Variants in LRRC37A2 observed in about 807,000 individuals in gnomAD.
LRRC37A2 encodes leucine rich repeat containing 37 member A2.
Under a neutral mutation model 68.8 loss-of-function variants are expected in LRRC37A2, and 9 were observed. The observed-to-expected ratio is 0.13, with a 90% confidence interval of 0.08 to 0.23. LRRC37A2 has a LOEUF of 0.23. LRRC37A2 is among the 10% of genes least tolerant of loss of function. LRRC37A2 has a pLI of 1.00. For synonymous variants in LRRC37A2, 63 were observed against 367.6 expected (o/e 0.17, Z 9.48); for missense variants, 168 against 950.4 (o/e 0.18, Z 10.82).
At chr17:46,405,765 T>C in the LRRC37A2 span, among the ~76,000 whole-genome samples, 1 of 82,158 alleles carries the variant, frequency 1.2e-5, no homozygotes, top group African/African-American at 4.5e-5. Context: ...AAAAATCAGC[T>C]TTGGCTTGAG....
At chr17:46,840,338 G>A in the LRRC37A2 span, among the ~76,000 whole-genome samples, 1 of 152,032 alleles carries the variant, frequency 6.6e-6, no homozygotes, top group African/African-American at 2.4e-5. Context: ...CACCCGCCTC[G>A]GCCTCCCAAA....
the LRRC37A2 span, chr17:46,851,701 C>A: frequency 7.6e-7 from 1 of 1,310,848 alleles, no homozygotes. The surrounding 1 kb of genome is among the most constrained non-coding windows in gnomAD (Gnocchi z 4.3). Context: ...CCGCCGCCGC[C>A]GCCTCCTACT....
the LRRC37A2 span, chr17:46,830,883 CT>C: frequency 2.5e-6 from 1 of 397,684 alleles, no homozygotes; most frequent in Non-Finnish European, 4.4e-6. Flanking sequence ...CCTAATACGA[CT>C]TCAGCACCTC....
the LRRC37A2 span, among the ~76,000 whole-genome samples, chr17:46,492,917 A>C: frequency 6.7e-6 from 1 of 149,044 alleles, no homozygotes; most frequent in African/African-American, 2.6e-5. Context: ...GATGGTCTCG[A>C]TATCCTGACC....
chr17:46,810,741 C>T, the LRRC37A2 span, among the ~76,000 whole-genome samples: 3 of 152,014 alleles, frequency 2.0e-5, no homozygotes, highest in Non-Finnish European at 4.4e-5. Flanking sequence ...GACCTGAACG[C>T]GGAATACAGC....
chr17:46,795,967 T>A, the LRRC37A2 span, among the ~76,000 whole-genome samples: 1 of 152,062 alleles, frequency 6.6e-6, no homozygotes, highest in Non-Finnish European at 1.5e-5. Context: ...TTCCATTTTG[T>A]TGAGATGAAT....
At chr17:47,010,596 G>A in the LRRC37A2 span, 1 of 152,290 alleles carries the variant, frequency 6.6e-6, no homozygotes, top group Non-Finnish European at 1.5e-5. Flanking sequence ...CCAGAAGGCT[G>A]GGGTGGTCCA....
chr17:46,740,227 G>A, the LRRC37A2 span, among the ~76,000 whole-genome samples: 1 of 152,184 alleles, frequency 6.6e-6, no homozygotes, highest in Admixed American at 6.5e-5. Flanking sequence ...ATTATTATTG[G>A]ATATAGTAAA....
the LRRC37A2 span, chr17:46,769,728 G>A: frequency 1.9e-6 from 3 of 1,598,328 alleles, no homozygotes; most frequent in Non-Finnish European, 2.5e-6. Context: ...GGCAGCTCCG[G>A]AGGGGAAGCG....
chr17:46,829,668 T>A, the LRRC37A2 span, among the ~76,000 whole-genome samples: 1 of 152,062 alleles, frequency 6.6e-6, no homozygotes, highest in Non-Finnish European at 1.5e-5. Flanking sequence ...GGTGGAAGCC[T>A]TGCCTGGGGA....
At chr17:46,928,245 C>T in the LRRC37A2 span, among the ~76,000 whole-genome samples, 1 of 152,114 alleles carries the variant, frequency 6.6e-6, no homozygotes, top group Non-Finnish European at 1.5e-5. Context: ...TGCCCGAGGG[C>T]ATATCTGGAG....
At chr17:46,748,400 C>T in the LRRC37A2 span, among the ~76,000 whole-genome samples, 106 of 152,302 alleles carry the variant, frequency 7.0e-4, no homozygotes, top group Non-Finnish European at 1.2e-3. Flanking sequence ...GCATGAGCCA[C>T]CACACCTGGC....
the LRRC37A2 span, among the ~76,000 whole-genome samples, chr17:46,985,945 G>A: frequency 6.6e-6 from 1 of 152,316 alleles, no homozygotes. Context: ...TACTGCCTGG[G>A]CCTCTGGTAC....
chr17:46,487,033 A>G, the LRRC37A2 span: 1 of 743,260 alleles, frequency 1.3e-6, no homozygotes, highest in African/African-American at 2.2e-5. Flanking sequence ...TTTTGTTTTT[A>G]TCTCTTCTTA....
At chr17:46,914,914 C>T in the LRRC37A2 span, among the ~76,000 whole-genome samples, 1 of 152,166 alleles carries the variant, frequency 6.6e-6, no homozygotes, top group Admixed American at 6.5e-5. Flanking sequence ...TCTGATAGAA[C>T]TTAATTGTCC....
At chr17:47,031,852 G>GGTAGA in the LRRC37A2 span, among the ~76,000 whole-genome samples, 1 of 146,616 alleles carries the variant, frequency 6.8e-6, no homozygotes, top group Admixed American at 6.9e-5. Context: ...TTTACATAGC[G>GGTAGA]GTAGATGCAC....
the LRRC37A2 span, among the ~76,000 whole-genome samples, chr17:46,901,419 C>T: frequency 2.4e-4 from 36 of 152,116 alleles, no homozygotes; most frequent in Non-Finnish European, 4.9e-4. Context: ...GCCTCAGCCT[C>T]CCAAAGTGCT....
At chr17:46,926,737 T>C in the LRRC37A2 span, among the ~76,000 whole-genome samples, 1 of 152,216 alleles carries the variant, frequency 6.6e-6, no homozygotes, top group East Asian at 1.9e-4. Flanking sequence ...CATATTTATG[T>C]TTTCTTAGCA....
chr17:46,807,779 C>T, the LRRC37A2 span, among the ~76,000 whole-genome samples: 2 of 152,238 alleles, frequency 1.3e-5, no homozygotes, highest in East Asian at 1.9e-4. Flanking sequence ...AAAATAAAAA[C>T]GGAAGAGCAG....
Sources: gnomAD v4.1 joint callset for allele counts (sites outside exome capture counted in the v4.1 genomes callset) on GRCh38, gnomAD v4.1.1 for gene constraint, Gnocchi (gnomAD v3.1) non-coding constraint, MANE v1.5 for transcripts, NCBI Gene and HGNC (gene_info 2026-07-23, HGNC 2026-07-21) for gene names.